Variants in LRCH1 observed in about 807,000 individuals in gnomAD.
LRCH1 encodes leucine-rich repeat and calponin homology domain-containing protein 1.
In LRCH1, 23 loss-of-function variants were observed where a neutral mutation model predicts 94.9. The ratio of observed to expected loss-of-function variants is 0.24; its 90% confidence interval spans 0.17 to 0.34. The LOEUF is 0.34. LRCH1 is among the 10% of genes least tolerant of loss of function. The pLI, the probability that LRCH1 is intolerant of heterozygous loss-of-function variation, is 1.00. For missense variants in LRCH1, 790 were observed against 945.9 expected, an observed-to-expected ratio of 0.84 and a Z score of 2.16; for synonymous variants, 364 against 354.9, an observed-to-expected ratio of 1.03 and a Z score of -0.29.
intron 1 of LRCH1, among the ~76,000 whole-genome samples, chr13:46,632,490 C>T (rs1191748595): frequency 3.3e-5 from 5 of 152,090 alleles, no homozygotes; most frequent in Non-Finnish European, 7.4e-5. Flanking sequence ...TAGCATGAGA[C>T]TAATATACAG....
At chr13:46,721,268 GA>G (rs992612060) in intron 16 of LRCH1, among the ~76,000 whole-genome samples, 1 of 152,232 alleles carries the variant, frequency 6.6e-6, no homozygotes, top group African/African-American at 2.4e-5. Flanking sequence ...ATTACCCCCA[GA>G]AAAAAGGCAA....
intron 1 of LRCH1, among the ~76,000 whole-genome samples, chr13:46,610,623 T>C (rs1170646308): frequency 6.6e-6 from 1 of 152,160 alleles, no homozygotes; most frequent in Non-Finnish European, 1.5e-5. Context: ...GGTCTCCAGT[T>C]CCATCTAGGT....
chr13:46,719,661 T>A lies in LRCH1; in HGVS notation c.1760-3560T>A, dbSNP rs144917922. Among the ~76,000 whole-genome samples, 72 of 152,376 alleles carry A rather than the reference T, an allele frequency of 4.7e-4. No homozygotes were observed. The East Asian group carries it at 0.013, about 28-fold the overall frequency. ...CTGCAGGGTCCATGCTTATCTCTTC[T>A]GCTAAGTAAATTGCGTATATGTGCA... On this transcript the variant is annotated intron_variant, in intron 16 of 19. Coordinates refer to ENST00000389797, the MANE Select transcript of LRCH1 (RefSeq NM_001164211.2).
rs537637028 is a variant in LRCH1 at position 46,660,185 on chromosome 13, G to GTA, written c.453-8843_453-8842dup. On this transcript the variant is annotated intron_variant, in intron 2 of 19. Transcript: ENST00000389797. ...CGCCACCACGCCCGGCTAATTTTTT[G>GTA]TATTTTTTTTAGTAGAGACAGGGTT... Among the ~76,000 whole-genome samples, 1,133 of 151,714 alleles carry GTA rather than the reference G, an allele frequency of 7.5e-3. 6 individuals carry two copies. The highest frequency in any genetic ancestry group is 0.012 in the Non-Finnish European group (835 of 67,864).
At chr13:46,615,336 G>T (rs865849824) in intron 1 of LRCH1, among the ~76,000 whole-genome samples, 1 of 152,072 alleles carries the variant, frequency 6.6e-6, no homozygotes, top group South Asian at 2.1e-4. Flanking sequence ...AAGGGAGGAG[G>T]GGCCTTGCTC....
chr13:46,653,956 G>A (rs2051339500), intron 2 of LRCH1, among the ~76,000 whole-genome samples: 1 of 152,148 alleles, frequency 6.6e-6, no homozygotes, highest in Admixed American at 6.5e-5. Context: ...GGGTATAGTT[G>A]AAACATGTCT....
At chr13:46,587,195 C>A (rs2050444862) in intron 1 of LRCH1, among the ~76,000 whole-genome samples, 1 of 152,178 alleles carries the variant, frequency 6.6e-6, no homozygotes, top group Non-Finnish European at 1.5e-5. Flanking sequence ...TTTCCATTAG[C>A]CCTGATTCTA....
intron 1 of LRCH1, among the ~76,000 whole-genome samples, chr13:46,589,465 G>T (rs1207973326): frequency 3.3e-5 from 5 of 151,812 alleles, no homozygotes; most frequent in Non-Finnish European, 7.4e-5. Context: ...TTATCTAGTT[G>T]TCTCCAAATT....
chr13:46,558,098 G>A (rs1314914147), intron 1 of LRCH1, among the ~76,000 whole-genome samples: 1 of 152,128 alleles, frequency 6.6e-6, no homozygotes, highest in Non-Finnish European at 1.5e-5. Context: ...AGCTTACTCA[G>A]GGAAGAATAT....
chr13:46,619,354 G>A (rs1042368707), intron 1 of LRCH1, among the ~76,000 whole-genome samples: 6 of 152,078 alleles, frequency 3.9e-5, no homozygotes, highest in African/African-American at 1.4e-4. Context: ...CAAGTGATCC[G>A]CCTGCTTGGC....
rs1566235105 is a variant in LRCH1 at position 46,699,343 on chromosome 13, C to G, written c.1253C>G (p.Ala418Gly). The G allele has an allele frequency of 6.2e-7, 1 of 1,613,922 alleles. No homozygotes were observed. Among genetic ancestry groups the G allele is most frequent in the Admixed American group, 1.7e-5 (1 of 60,016 alleles). The change falls in exon 10 of 20, where the codon GCA (alanine) becomes GGA (glycine). Residue 418 changes from alanine to glycine, a missense_variant. Physicochemically the swap from Ala to Gly is moderately conservative, Grantham distance 60 (BLOSUM62 0). Transcript: ENST00000389797. ...TGTGTGTTTTGTCCACAGGCAAGGGCAGAAGACTGTGAAGAGCTGTTACGG... is the reference window on the plus strand; with the variant it reads ...TGTGTGTTTTGTCCACAGGCAAGGGGAGAAGACTGTGAAGAGCTGTTACGG... ...HSEFMNYKARAEDCEELLRIE... is the reference protein window; with the variant it reads ...HSEFMNYKARGEDCEELLRIE...
At chr13:46,590,187 A>G (rs1243180757) in intron 1 of LRCH1, among the ~76,000 whole-genome samples, 1 of 152,144 alleles carries the variant, frequency 6.6e-6, no homozygotes, top group Admixed American at 6.5e-5. Context: ...GAAAGTCACA[A>G]TATTGGAAGG....
chr13:46,693,256 A>C (rs1051124784), intron 8 of LRCH1, among the ~76,000 whole-genome samples: 1 of 152,206 alleles, frequency 6.6e-6, no homozygotes, highest in African/African-American at 2.4e-5. Context: ...ATCCAAATTA[A>C]GTTCAAATGG....
At chr13:46,676,884 C>G (rs981211022) in intron 3 of LRCH1, among the ~76,000 whole-genome samples, 4 of 152,142 alleles carry the variant, frequency 2.6e-5, no homozygotes, top group Non-Finnish European at 4.4e-5. Context: ...CTCAAGCAAT[C>G]CTCCCACCTT....
chr13:46,735,653 A>G (rs1873331593), intron 19 of LRCH1, among the ~76,000 whole-genome samples: 1 of 152,214 alleles, frequency 6.6e-6, no homozygotes, highest in Non-Finnish European at 1.5e-5. Flanking sequence ...ACAATTTATA[A>G]TTCCCGAGAA....
chr13:46,721,312 T>C (rs1872573987), intron 16 of LRCH1, among the ~76,000 whole-genome samples: 1 of 152,196 alleles, frequency 6.6e-6, no homozygotes, highest in South Asian at 2.1e-4. Context: ...AAACATTCGA[T>C]GTGTTTAAAC....
chr13:46,666,429 A>G (rs1459611692), intron 2 of LRCH1, among the ~76,000 whole-genome samples: 2 of 152,230 alleles, frequency 1.3e-5, no homozygotes, highest in South Asian at 2.1e-4. Flanking sequence ...TCCCAGTTCC[A>G]TATCTGCTAA....
At chr13:46,566,983 A>G (rs779094386) in intron 1 of LRCH1, among the ~76,000 whole-genome samples, 1 of 152,270 alleles carries the variant, frequency 6.6e-6, no homozygotes, top group African/African-American at 2.4e-5. Flanking sequence ...AAAATTCTTC[A>G]AGGTATCTGT....
At chr13:46,693,174 A>G (rs1871003471) in intron 8 of LRCH1, among the ~76,000 whole-genome samples, 1 of 152,046 alleles carries the variant, frequency 6.6e-6, no homozygotes, top group Admixed American at 6.6e-5. Flanking sequence ...AAATATTGAT[A>G]TGATAGATAT....
Sources: gnomAD v4.1 joint callset for allele counts (sites outside exome capture counted in the v4.1 genomes callset) on GRCh38, gnomAD v4.1.1 for gene constraint, MANE v1.5 for transcripts, NCBI Gene and HGNC (gene_info 2026-07-23, HGNC 2026-07-21) for gene names.